The following ARB2A variants were observed in gnomAD, a reference collection of about 807,000 sequenced individuals.
ARB2A encodes the protein ARB2 cotranscriptional regulator A.
the ARB2A span, among the ~76,000 whole-genome samples, chr5:93,814,112 T>C: frequency 2.0e-5 from 3 of 152,196 alleles, no homozygotes; most frequent in Admixed American, 6.5e-5. Flanking sequence ...TTTTGTTCTC[T>C]TGTCCATCTT....
the ARB2A span, among the ~76,000 whole-genome samples, chr5:93,888,854 T>C: frequency 6.6e-6 from 1 of 151,890 alleles, no homozygotes; most frequent in East Asian, 1.9e-4. Context: ...CCTGCAAGTA[T>C]GAGGACATAA....
chr5:93,760,143 A>G, the ARB2A span, among the ~76,000 whole-genome samples: 1 of 152,182 alleles, frequency 6.6e-6, no homozygotes, highest in Non-Finnish European at 1.5e-5. Context: ...AACCCCTTTT[A>G]AAATAGCTGC....
chr5:94,068,053 T>A, the ARB2A span, among the ~76,000 whole-genome samples: 1 of 152,168 alleles, frequency 6.6e-6, no homozygotes, highest in East Asian at 1.9e-4. Context: ...GATCACTTTG[T>A]TACCGGCAGG....
At chr5:93,735,930 T>A in the ARB2A span, 2 of 152,018 alleles carry the variant, frequency 1.3e-5, no homozygotes, top group African/African-American at 4.8e-5. Context: ...TGTAGTGAGT[T>A]TGGTCCAAGA....
At chr5:93,784,966 T>C in the ARB2A span, among the ~76,000 whole-genome samples, 1 of 152,236 alleles carries the variant, frequency 6.6e-6, no homozygotes, top group Non-Finnish European at 1.5e-5. Flanking sequence ...ACTAGCCTGC[T>C]CTTCACCATG....
chr5:93,789,239 C>T, the ARB2A span, among the ~76,000 whole-genome samples: 1 of 152,158 alleles, frequency 6.6e-6, no homozygotes, highest in Non-Finnish European at 1.5e-5. Context: ...AAATAATATT[C>T]TGAAAAGAAA....
chr5:93,819,384 C>A, the ARB2A span, among the ~76,000 whole-genome samples: 6 of 151,982 alleles, frequency 3.9e-5, no homozygotes, highest in African/African-American at 1.2e-4. Flanking sequence ...TTTAACAAAA[C>A]TAATTAGTAT....
At chr5:93,766,180 C>T in the ARB2A span, among the ~76,000 whole-genome samples, 161 of 151,998 alleles carry the variant, frequency 1.1e-3, 4 homozygotes, top group South Asian at 0.022. Flanking sequence ...AAGCCAAAAT[C>T]GACAAATGGG....
At chr5:93,997,802 T>C in the ARB2A span, among the ~76,000 whole-genome samples, 1 of 152,076 alleles carries the variant, frequency 6.6e-6, no homozygotes, top group Non-Finnish European at 1.5e-5. Flanking sequence ...CCATGACTTA[T>C]ACTAGTGTTT....
At chr5:93,935,206 C>G in the ARB2A span, among the ~76,000 whole-genome samples, 2 of 152,184 alleles carry the variant, frequency 1.3e-5, no homozygotes, top group African/African-American at 4.8e-5. Flanking sequence ...TAACCAAACA[C>G]CACCTGTTCC....
At chr5:93,848,253 C>T in the ARB2A span, among the ~76,000 whole-genome samples, 1 of 151,964 alleles carries the variant, frequency 6.6e-6, no homozygotes, top group African/African-American at 2.4e-5. Flanking sequence ...TGTGGTAGTG[C>T]ATGCCTGTAG....
chr5:94,033,761 T>C, the ARB2A span, among the ~76,000 whole-genome samples: 1 of 151,982 alleles, frequency 6.6e-6, no homozygotes, highest in Non-Finnish European at 1.5e-5. Flanking sequence ...AGGACATGAG[T>C]TTTGGGGAGA....
At chr5:93,865,797 T>C in the ARB2A span, 1 of 985,318 alleles carries the variant, frequency 1.0e-6, no homozygotes, top group South Asian at 4.7e-5. Context: ...TAAATCAACA[T>C]TTATGGAGGA....
the ARB2A span, among the ~76,000 whole-genome samples, chr5:93,931,938 T>C: frequency 6.6e-6 from 1 of 152,322 alleles, no homozygotes; most frequent in East Asian, 1.9e-4. Flanking sequence ...GGTTCATCCA[T>C]ATTGTTGCAT....
chr5:93,689,652 T>C, the ARB2A span, among the ~76,000 whole-genome samples: 5 of 152,200 alleles, frequency 3.3e-5, no homozygotes, highest in African/African-American at 1.2e-4. Context: ...ATTATTTGTC[T>C]AGAAACAAAA....
chr5:93,960,182 T>C, the ARB2A span, among the ~76,000 whole-genome samples: 2 of 143,726 alleles, frequency 1.4e-5, no homozygotes, highest in African/African-American at 2.6e-5. Flanking sequence ...AAAATATCTG[T>C]ACTTCTAAAA....
At chr5:93,812,154 G>A in the ARB2A span, among the ~76,000 whole-genome samples, 1 of 152,064 alleles carries the variant, frequency 6.6e-6, no homozygotes, top group Non-Finnish European at 1.5e-5. Flanking sequence ...TATTTAATAT[G>A]TAGACATAAT....
the ARB2A span, among the ~76,000 whole-genome samples, chr5:93,856,743 C>T: frequency 3.6e-4 from 54 of 152,090 alleles, no homozygotes; most frequent in Middle Eastern, 3.4e-3. Flanking sequence ...TCCTGTAGCT[C>T]GTAGTAGTTT....
the ARB2A span, among the ~76,000 whole-genome samples, chr5:93,911,119 T>A: frequency 1.3e-5 from 2 of 151,590 alleles, no homozygotes; most frequent in Non-Finnish European, 3.0e-5. Flanking sequence ...ACTTACAGCA[T>A]TTAGAGCAAT....
Sources: gnomAD v4.1 joint callset for allele counts (sites outside exome capture counted in the v4.1 genomes callset) on GRCh38, gnomAD v4.1.1 for gene constraint, MANE v1.5 for transcripts, NCBI Gene and HGNC (gene_info 2026-07-23, HGNC 2026-07-21) for gene names.